PTS: variants seen among roughly 807,000 people sequenced by gnomAD.
PTS encodes 6-pyruvoyltetrahydropterin synthase.
In PTS, 23 loss-of-function variants were observed where a neutral mutation model predicts 20.6. The observed-to-expected ratio is 1.12, with a 90% CI of 0.80 to 1.58. PTS has a LOEUF of 1.58. PTS is among the 40% of genes most tolerant of loss of function. The pLI, the probability that PTS is intolerant of heterozygous loss-of-function variation, is 0.00. For missense variants in PTS, 186 were observed against 182.4 expected (o/e 1.02, Z -0.11); for synonymous variants, 65 against 62.5 (o/e 1.04, Z -0.19).
intron 4 of PTS, among the ~76,000 whole-genome samples, chr11:112,232,092 T>G (rs1592881299): frequency 6.6e-6 from 1 of 152,138 alleles, no homozygotes; most frequent in Non-Finnish European, 1.5e-5. Flanking sequence ...CCACACACTT[T>G]CATCAGTAAA....
intron 4 of PTS, among the ~76,000 whole-genome samples, chr11:112,230,928 AT>A (rs1318880055): frequency 4.0e-5 from 6 of 151,870 alleles, no homozygotes; most frequent in African/African-American, 1.5e-4. Flanking sequence ...CTCACCTTGT[AT>A]TCCTTGTTGG....
At chr11:112,228,768 AGT>A in intron 2 of PTS, 95 bp downstream of exon 2, 1 of 1,085,348 alleles carries the variant, frequency 9.2e-7, no homozygotes, top group African/African-American at 1.5e-5. Flanking sequence ...TTACGGACAC[AGT>A]GTGAATGCTT....
At position 112,228,626 on chromosome 11, in the gene PTS, T is replaced by A; in HGVS notation, c.116T>A (p.Leu39Gln). The change falls in exon 2 of 6, where the codon CTG (leucine) becomes CAG (glutamine). Residue 39 changes from leucine (L) to glutamine (Q), a missense_variant. Coordinates refer to ENST00000280362, the MANE Select transcript of PTS (RefSeq NM_000317.3). ...KFLSDEENLK[L>Q]FGKCNNPNGH... is the part of the protein sequence containing the mutation. ...CTAAGTGATGAAGAAAACTTGAAAC[T>A]GTTTGGGAAATGCAACAATCCAAAT... The A allele has an allele frequency of 1.1e-5, 17 of 1,610,736 alleles. No homozygotes were observed. The highest frequency in any genetic ancestry group is 1.4e-5 in the Non-Finnish European group (17 of 1,179,482).
chr11:112,226,505 G>T lies in PTS; in HGVS notation c.62G>T (p.Ser21Ile). ...CAAGTGTCCCGCCGCATCTCCTTCA[G>T]CGCGAGCCACCGATTGTACAGGTAG... ...QAQVSRRISF[S>I]ASHRLYSKFL... Residue 21 changes from serine to isoleucine, a missense_variant, in exon 1 of 6, where the codon AGC becomes ATC. Coordinates refer to ENST00000280362, the MANE Select transcript of PTS (RefSeq NM_000317.3). 6.3e-7 allele frequency: 1 copy of T among 1,585,304 alleles called. No individual in the cohort carries two copies. The highest frequency in any genetic ancestry group is 1.2e-5 in the South Asian group (1 of 86,436).
Position 112,228,619 on chromosome 11 carries a change from T to G in PTS, c.109T>G (p.Leu37Val), listed in dbSNP as rs1310283026. Reference sequence around the variant, plus strand: ...TAAATTTCTAAGTGATGAAGAAAACTTGAAACTGTTTGGGAAATGCAACAA... The same window carrying G: ...TAAATTTCTAAGTGATGAAGAAAACGTGAAACTGTTTGGGAAATGCAACAA... ...YSKFLSDEEN[L>V]KLFGKCNNPN... The change falls in exon 2 of 6, where the codon TTG becomes GTG. Residue 37 changes from leucine to valine, a missense_variant. Coordinates refer to ENST00000280362, the MANE Select transcript of PTS (RefSeq NM_000317.3). 1 of 1,609,148 alleles carries G rather than the reference T, an allele frequency of 6.2e-7. No homozygotes were observed. Among genetic ancestry groups the G allele is most frequent in the Admixed American group, 1.7e-5 (1 of 59,858 alleles).
intron 4 of PTS, among the ~76,000 whole-genome samples, chr11:112,231,786 G>A (rs1859934726): frequency 6.6e-6 from 1 of 150,424 alleles, no homozygotes. Context: ...TGAAGAAACA[G>A]CACTATGCTC....
chr11:112,231,707 T>G (rs1859932846), intron 4 of PTS, among the ~76,000 whole-genome samples: 1 of 152,112 alleles, frequency 6.6e-6, no homozygotes, highest in Non-Finnish European at 1.5e-5. Context: ...TATACATTAC[T>G]TTTTCTAGGA....
chr11:112,233,384 A>G (rs1859968596), intron 5 of PTS, 48 bp from the exon 6 acceptor site: 1 of 1,551,462 alleles, frequency 6.4e-7, no homozygotes, highest in African/African-American at 1.4e-5. Flanking sequence ...ATGAAATTTT[A>G]TTGTTTGCAT....
At chr11:112,232,767 T>G (rs1210047172) in intron 4 of PTS, among the ~76,000 whole-genome samples, 1 of 152,254 alleles carries the variant, frequency 6.6e-6, no homozygotes, top group Non-Finnish European at 1.5e-5. Context: ...TCACTGGATC[T>G]TTGTCCTTAT....
At chr11:112,227,283 T>C (rs1487215764) in intron 1 of PTS, among the ~76,000 whole-genome samples, 1 of 152,072 alleles carries the variant, frequency 6.6e-6, no homozygotes, top group Non-Finnish European at 1.5e-5. Context: ...CTAAACCAGG[T>C]TTTGTTTCGT....
intron 4 of PTS, among the ~76,000 whole-genome samples, chr11:112,232,817 GA>G (rs1411454509): frequency 6.6e-6 from 1 of 152,154 alleles, no homozygotes; most frequent in Non-Finnish European, 1.5e-5. Context: ...CAGTGTTATG[GA>G]AAAATATTTG....
intron 3 of PTS, 41 bp from the exon 4 acceptor site, chr11:112,230,585 A>T (rs772696789): frequency 6.6e-7 from 1 of 1,522,868 alleles, no homozygotes; most frequent in Admixed American, 1.7e-5. Context: ...TTTAATATGG[A>T]GAGCCTATCA....
rs75275475 is a variant in PTS, at chr11:112,228,889, A to G, written c.163+216A>G. The G allele has an allele frequency of 5.6e-4, 331 of 592,916 alleles. 3 individuals are homozygous for G. In the African/African-American group the frequency reaches 5.8e-3, roughly 10 times the overall value. The allele number at this position is 592,916 out of a possible 1,614,324, so 36.7% of individuals were successfully genotyped here. The stretch of plus-strand genomic sequence containing the variant: ...CAATGTCAACTCTTACAAACAGTCC[A>G]AAACAATGAATGGTTTAAAGCATTT... On this transcript the variant is annotated intron_variant, in intron 2 of 5. Coordinates refer to ENST00000280362, the MANE Select transcript of PTS (RefSeq NM_000317.3).
intron 1 of PTS, 33 bp downstream of exon 1, chr11:112,226,559 G>C: frequency 1.3e-6 from 2 of 1,497,718 alleles, no homozygotes; most frequent in South Asian, 1.3e-5. Flanking sequence ...GCGGCGGGCG[G>C]TGGGCGCCGG....
chr11:112,233,739 G>A lies in PTS; in HGVS notation c.*184G>A, dbSNP rs574364346. 3 of 661,658 alleles carry A rather than the reference G, an allele frequency of 4.5e-6. No homozygotes were observed. Among genetic ancestry groups the A allele is most frequent in the Admixed American group, 3.8e-5 (1 of 26,194 alleles). The allele number at this position is 661,658 out of a possible 1,614,324, so 41.0% of individuals were successfully genotyped here. A position where few individuals can be genotyped will look rare whatever the true frequency, so the allele number is the denominator to read the frequency against. On this transcript the variant is annotated 3_prime_UTR_variant, in exon 6 of 6. Coordinates refer to ENST00000280362, the MANE Select transcript of PTS (RefSeq NM_000317.3). ...TTTAAGTCTATTTAAAACTAAACTT[G>A]TAATATACATCCTGAAAATCATTTA...
In PTS at chr11:112,230,622, T is replaced by A; in HGVS notation, c.187-4T>A. 1 of 1,606,300 alleles carries A rather than the reference T, an allele frequency of 6.2e-7. No individual in the cohort carries two copies. The highest frequency in any genetic ancestry group is 8.5e-7 in the Non-Finnish European group (1 of 1,172,878). On this transcript the variant is annotated splice_polypyrimidine_tract_variant and splice_region_variant and intron_variant, in intron 3 of 5. Coordinates refer to ENST00000280362, the MANE Select transcript of PTS (RefSeq NM_000317.3). Reference sequence around the variant, plus strand: ...AGTAATATTCACCTTTGTTTATTCTTTAGATTGACCCTGCTACGGGAATGG... The same window carrying A: ...AGTAATATTCACCTTTGTTTATTCTATAGATTGACCCTGCTACGGGAATGG...
chr11:112,230,068 T>C (rs1859910211), intron 2 of PTS, 140 bp from the exon 3 acceptor site: 1 of 857,926 alleles, frequency 1.2e-6, no homozygotes, highest in Non-Finnish European at 1.9e-6. Context: ...TGTTTTGGGG[T>C]AAATATTTAA....
chr11:112,227,309 T>C (rs1354955821), intron 1 of PTS, among the ~76,000 whole-genome samples: 1 of 152,078 alleles, frequency 6.6e-6, no homozygotes, highest in African/African-American at 2.4e-5. Context: ...TCAGGGCTTG[T>C]GCTAGGTAAC....
chr11:112,232,145 G>A (rs1859946498), intron 4 of PTS, among the ~76,000 whole-genome samples: 2 of 152,132 alleles, frequency 1.3e-5, no homozygotes, highest in Non-Finnish European at 2.9e-5. Context: ...GAGCTCTACC[G>A]TGGGGGGAGG....
Sources: gnomAD v4.1 joint callset for allele counts (sites outside exome capture counted in the v4.1 genomes callset) on GRCh38, gnomAD v4.1.1 for gene constraint, MANE v1.5 for transcripts, NCBI Gene and HGNC (gene_info 2026-07-23, HGNC 2026-07-21) for gene names.